TBC1D22A: variants seen among roughly 807,000 people sequenced by gnomAD.
TBC1D22A encodes the protein TBC1 domain family member 22A.
In TBC1D22A, 38 loss-of-function variants were observed where a neutral mutation model predicts 60.2. The ratio of observed to expected loss-of-function variants is 0.63; its 90% confidence interval spans 0.49 to 0.83. TBC1D22A has a LOEUF of 0.83. Among genes scored for constraint, TBC1D22A ranks in the 40% least tolerant of loss-of-function variants. The probability of loss-of-function intolerance (pLI) is 0.00; values close to 1 mark genes in which losing one functional copy is unlikely to be tolerated. For missense variants in TBC1D22A, 628 were observed against 701.0 expected, an observed-to-expected ratio of 0.90 and a Z score of 1.18; for synonymous variants, 302 against 281.7, an observed-to-expected ratio of 1.07 and a Z score of -0.72.
intron 12 of TBC1D22A, among the ~76,000 whole-genome samples, chr22:47,171,451 CGAG>C (rs2068448556): frequency 6.6e-6 from 1 of 152,142 alleles, no homozygotes. Context: ...GGCAAATTCT[CGAG>C]GACCAGAGCC....
chr22:46,794,115 G>A (rs1194302696), intron 3 of TBC1D22A, among the ~76,000 whole-genome samples: 1 of 152,182 alleles, frequency 6.6e-6, no homozygotes, highest in African/African-American at 2.4e-5. Flanking sequence ...TGTCTTCTCC[G>A]AGTGGAGTGG....
intron 4 of TBC1D22A, among the ~76,000 whole-genome samples, chr22:46,806,383 A>G (rs967771298): frequency 1.3e-5 from 2 of 148,808 alleles, no homozygotes; most frequent in African/African-American, 2.5e-5. Flanking sequence ...CTGAGACTCA[A>G]AGGGCCACAA....
intron 7 of TBC1D22A, among the ~76,000 whole-genome samples, chr22:46,899,169 G>C (rs555681770): frequency 6.6e-6 from 1 of 152,104 alleles, no homozygotes; most frequent in Non-Finnish European, 1.5e-5. Flanking sequence ...TGTCTTGGCC[G>C]GGCGTGGTGG....
chr22:47,090,826 T>C lies in TBC1D22A; in HGVS notation c.1330-20682T>C, dbSNP rs1245765619. Among the ~76,000 whole-genome samples the C allele has an allele frequency of 1.7e-4, 22 of 132,082 alleles. No individual in the cohort carries two copies. In the Admixed American group the frequency reaches 1.8e-3, roughly 11 times the overall value. The allele number at this position is 132,082 out of a possible 152,430, so 86.7% of individuals were successfully genotyped here. A position where few individuals can be genotyped will look rare whatever the true frequency, so the allele number is the denominator to read the frequency against. On this transcript the variant is annotated intron_variant, in intron 11 of 12. Transcript: ENST00000337137. ...CGCGGAGGGGGTGGCTGCTTGTTGA[T>C]AGAGACGGGCACGAGAAGTCGTCTT... is the stretch of plus-strand genomic sequence containing the variant.
chr22:46,803,576 A>G (rs801579), intron 4 of TBC1D22A, among the ~76,000 whole-genome samples: 4,968 of 152,218 alleles, frequency 0.033, 254 homozygotes, highest in African/African-American at 0.11. Context: ...CTTCATGACC[A>G]CAGCAGGGCA....
At chr22:47,022,551 CA>C (rs35629335) in intron 10 of TBC1D22A, among the ~76,000 whole-genome samples, 49 of 132,902 alleles carry the variant, frequency 3.7e-4, no homozygotes, top group Non-Finnish European at 5.7e-4. Flanking sequence ...GACTCTGTCT[CA>C]AAAAAAAAAA....
In TBC1D22A at chr22:47,112,688, G is replaced by A. The variant is rs113629910; in HGVS notation, c.1425+1085G>A. 3.1e-4 allele frequency among the ~76,000 whole-genome samples: 47 copies of A among 152,322 alleles called. 1 individual carries two copies. The highest frequency in any genetic ancestry group is 2.3e-3 in the Admixed American group (35 of 15,310). On this transcript the variant is annotated intron_variant, in intron 12 of 12. Coordinates refer to ENST00000337137, the MANE Select transcript of TBC1D22A (RefSeq NM_014346.5). ...CCAGCCCGGGTGTTCGCAGGTGGAT[G>A]GGACAAGACGCTCCTTCTGCTAACT...
At chr22:47,079,615 G>T (rs181639910) in intron 11 of TBC1D22A, among the ~76,000 whole-genome samples, 33 of 152,228 alleles carry the variant, frequency 2.2e-4, no homozygotes, top group Admixed American at 3.9e-4. Flanking sequence ...ACCCTAGAGC[G>T]ACCACTAGCA....
intron 1 of TBC1D22A, among the ~76,000 whole-genome samples, chr22:46,783,620 A>G (rs1376850830): frequency 6.6e-6 from 1 of 151,352 alleles, no homozygotes; most frequent in Non-Finnish European, 1.5e-5. Flanking sequence ...TGTGTATCAA[A>G]AGTGATATAT....
intron 7 of TBC1D22A, among the ~76,000 whole-genome samples, chr22:46,897,650 G>GTTTTTTT (rs1569189591): frequency 3.2e-5 from 3 of 92,648 alleles, no homozygotes; most frequent in African/African-American, 1.4e-4. Context: ...GTTTTTTTTT[G>GTTTTTTT]TGTTTTTTTT....
chr22:46,790,824 C>T (rs1261386249), intron 1 of TBC1D22A, among the ~76,000 whole-genome samples: 1 of 151,998 alleles, frequency 6.6e-6, no homozygotes, highest in Non-Finnish European at 1.5e-5. Flanking sequence ...GCTTTATGTC[C>T]CAAGCTTTCC....
At position 47,125,970 on chromosome 22, in the gene TBC1D22A, G is replaced by A. The variant is rs150742303; in HGVS notation, c.1425+14367G>A. Reference sequence around the variant, plus strand: ...TGGGAACACAAAGGAAGGTGATGATGTTTCCTTTTTTTGTTTTTTGTTTTT... The same window carrying A: ...TGGGAACACAAAGGAAGGTGATGATATTTCCTTTTTTTGTTTTTTGTTTTT... On this transcript the variant is annotated intron_variant, in intron 12 of 12. Coordinates refer to ENST00000337137, the MANE Select transcript of TBC1D22A (RefSeq NM_014346.5). Among the ~76,000 whole-genome samples the A allele has an allele frequency of 7.9e-3, 1,201 of 152,124 alleles. 15 individuals carry two copies. Among genetic ancestry groups the A allele is most frequent in the Middle Eastern group, 0.024 (7 of 294 alleles).
rs1023595842 is a variant in TBC1D22A, at chr22:46,762,753, T to C, written c.-34T>C. The C allele has an allele frequency of 1.4e-6, 2 of 1,414,288 alleles. No homozygotes were observed. The highest frequency in any genetic ancestry group is 6.1e-5 in the East Asian group (2 of 32,576). 87.6% of individuals were successfully genotyped at this position (1,414,288 alleles called of 1,614,324 possible). ...GGGAGGGCCGGGTGCACTCGGGGTG[T>C]CTGGGCCGCGGGTCTGAGGGATGAG... On this transcript the variant is annotated 5_prime_UTR_variant, in exon 1 of 13. Transcript: ENST00000337137.
intron 12 of TBC1D22A, among the ~76,000 whole-genome samples, chr22:47,114,854 C>T (rs898658094): frequency 1.2e-4 from 18 of 152,068 alleles, no homozygotes; most frequent in African/African-American, 4.3e-4. Context: ...AGGGAGGGGG[C>T]GATGGGTCAC....
At chr22:47,071,896 G>C (rs1347224213) in intron 11 of TBC1D22A, among the ~76,000 whole-genome samples, 2 of 152,170 alleles carry the variant, frequency 1.3e-5, no homozygotes, top group African/African-American at 4.8e-5. Flanking sequence ...AAAACGTGTG[G>C]TGTGTTTGGC....
rs115943631 is a variant in TBC1D22A at position 46,767,035 on chromosome 22, C to T, written c.62+4187C>T. Among the ~76,000 whole-genome samples, 1,137 of 152,286 alleles carry T rather than the reference C, an allele frequency of 7.5e-3. 12 individuals are homozygous for T. The highest frequency in any genetic ancestry group is 0.025 in the African/African-American group (1,051 of 41,544). On this transcript the variant is annotated intron_variant, in intron 1 of 12. Coordinates refer to ENST00000337137, the MANE Select transcript of TBC1D22A (RefSeq NM_014346.5). ...TGGTGTTTATTCCGAACTATCTCCT[C>T]GATTAGCCTGGAGAGTGAGTGGTTT... is the stretch of plus-strand genomic sequence containing the variant.
In TBC1D22A at chr22:47,044,763, T is replaced by C. The variant is rs527705576; in HGVS notation, c.1329+7565T>C. Among the ~76,000 whole-genome samples, 3 of 152,378 alleles carry C rather than the reference T, an allele frequency of 2.0e-5. No individual in the cohort carries two copies. In the East Asian group the frequency reaches 5.8e-4, roughly 29 times the overall value. ...AGGAGCTGGAAGAGGGGTGTATCTA[T>C]TCCTTCGGAGTGACAGTGAAGTCAG... On this transcript the variant is annotated intron_variant, in intron 11 of 12. Coordinates refer to ENST00000337137, the MANE Select transcript of TBC1D22A (RefSeq NM_014346.5).
rs568881191 is a variant in TBC1D22A, at chr22:47,037,825, G to C, written c.1329+627G>C. Among the ~76,000 whole-genome samples the C allele has an allele frequency of 1.8e-4, 27 of 152,280 alleles. No individual in the cohort carries two copies. In the South Asian group the frequency reaches 5.6e-3, roughly 32 times the overall value. ...GTGCTAGGAGGATGCGAGGGATGCT[G>C]GTGACTCTGCTGTGAGTTTGAGCTG... On this transcript the variant is annotated intron_variant, in intron 11 of 12. Coordinates refer to ENST00000337137, the MANE Select transcript of TBC1D22A (RefSeq NM_014346.5).
At chr22:47,019,531 G>T (rs2062010971) in intron 10 of TBC1D22A, among the ~76,000 whole-genome samples, 3 of 151,934 alleles carry the variant, frequency 2.0e-5, no homozygotes, top group Non-Finnish European at 1.5e-5. Flanking sequence ...TCTCGTATAG[G>T]TGTTTGGGGG....
Sources: allele counts gnomAD v4.1 joint callset (sites outside exome capture counted in the v4.1 genomes callset), GRCh38; gene constraint gnomAD v4.1.1; transcripts MANE v1.5; gene names NCBI Gene and HGNC (gene_info 2026-07-23, HGNC 2026-07-21).